The following FAM149A variants were observed in gnomAD, a reference collection of about 807,000 sequenced individuals.
FAM149A encodes protein FAM149A.
Under a neutral mutation model 78.2 loss-of-function variants are expected in FAM149A, and 71 were observed. That is an observed-to-expected ratio of 0.91 (90% confidence interval 0.75 to 1.11). The LOEUF (loss-of-function observed/expected upper bound fraction) is 1.11. Among genes scored for constraint, FAM149A ranks in the 50% least tolerant of loss-of-function variants. The pLI is 0.00. For synonymous variants in FAM149A, 446 were observed against 410.5 expected, an observed-to-expected ratio of 1.09 and a Z score of -1.04; for missense variants, 1,036 against 971.0, an observed-to-expected ratio of 1.07 and a Z score of -0.89.
In FAM149A at chr4:186,149,239, G is replaced by C. The variant is rs1035045578; in HGVS notation, c.633G>C (p.Thr211=). The C allele has an allele frequency of 7.8e-7, 1 of 1,289,158 alleles. No individual in the cohort carries two copies. Among genetic ancestry groups the C allele is most frequent in the Non-Finnish European group, 1.0e-6 (1 of 988,528 alleles). The allele number at this position is 1,289,158 out of a possible 1,614,324, so 79.9% of individuals were successfully genotyped here. A position where few individuals can be genotyped will look rare whatever the true frequency, so the allele number is the denominator to read the frequency against. The change falls in exon 2 of 14, where the codon ACG becomes ACC. Residue 211 remains threonine (T), a synonymous_variant. Transcript: ENST00000389354. ...TGAGGAGCAAAGATTCTTTACCTAC[G>C]CATTTTACAAGAAATGTGCAGAAAG...
At chr4:186,119,438 A>G (rs1256732828) in intron 1 of FAM149A, among the ~76,000 whole-genome samples, 13 of 152,250 alleles carry the variant, frequency 8.5e-5, no homozygotes, top group Non-Finnish European at 1.8e-4. Flanking sequence ...ATTAAATATC[A>G]TTCAGAAGCA....
At chr4:186,166,544 G>A (rs557442829) in intron 11 of FAM149A, among the ~76,000 whole-genome samples, 6 of 151,632 alleles carry the variant, frequency 4.0e-5, no homozygotes, top group African/African-American at 1.5e-4. Flanking sequence ...CTCACTACTC[G>A]GGAGACTGAG....
intron 1 of FAM149A, among the ~76,000 whole-genome samples, chr4:186,136,964 T>TCTCTCTCTCTCTCTCTCTC (rs2099323207): frequency 3.1e-5 from 3 of 97,108 alleles, no homozygotes; most frequent in African/African-American, 4.4e-5. Flanking sequence ...CTCTCTCTCT[T>TCTCTCTCTCTCTCTCTCTC]TCTCTCTCTC....
intron 1 of FAM149A, chr4:186,109,069 G>C (rs575491851): frequency 3.5e-4 from 108 of 310,674 alleles, no homozygotes; most frequent in African/African-American, 4.1e-4. Flanking sequence ...GGATGGTCTC[G>C]ATCTCCTGAC....
chr4:186,153,357 C>G, intron 4 of FAM149A: 2 of 955,868 alleles, frequency 2.1e-6, no homozygotes, highest in Non-Finnish European at 2.5e-6. Context: ...TATATGATCT[C>G]TAAGCCATTC....
At chr4:186,158,459 C>A in intron 8 of FAM149A, 2 of 1,133,788 alleles carry the variant, frequency 1.8e-6, no homozygotes, top group South Asian at 2.1e-5. Context: ...CAGGAACACC[C>A]ATGGGAGTCC....
chr4:186,162,865 T>C lies in FAM149A; in HGVS notation c.1596T>C (p.Ser532=). The change falls in exon 9 of 14, where the codon AGT becomes AGC. Residue 532 remains serine, a synonymous_variant. Transcript: ENST00000389354. ...CTCAGATTCATCACTTCTCCAGCAGTTTTTATAGTGACATGAATGGTGTCA... is the reference window on the plus strand; with the variant it reads ...CTCAGATTCATCACTTCTCCAGCAGCTTTTATAGTGACATGAATGGTGTCA... 2 of 1,567,086 alleles carry C rather than the reference T, an allele frequency of 1.3e-6. No homozygotes were observed. Among genetic ancestry groups the C allele is most frequent in the African/African-American group, 1.4e-5 (1 of 72,634 alleles).
At chr4:186,138,732 A>C (rs2099324561) in intron 1 of FAM149A, among the ~76,000 whole-genome samples, 1 of 152,170 alleles carries the variant, frequency 6.6e-6, no homozygotes, top group South Asian at 2.1e-4. Context: ...TTGGGGGGGA[A>C]GGCCACAGAA....
rs767437561 is a variant in FAM149A at position 186,165,415 on chromosome 4, C to A, written c.1961C>A (p.Thr654Lys). 1 of 1,614,136 alleles carries A rather than the reference C, an allele frequency of 6.2e-7. No individual in the cohort carries two copies. The highest frequency in any genetic ancestry group is 1.7e-5 in the Admixed American group (1 of 60,030). Residue 654 changes from threonine to lysine, a missense_variant, in exon 11 of 14, where the codon ACG (threonine) becomes AAG (lysine). By Grantham distance (78) the Thr-to-Lys change is moderately conservative. Coordinates refer to ENST00000389354, the MANE Select transcript of FAM149A (RefSeq NM_001367768.3). ...CGGAGCAGGTTCCCCCCGCTAGTCA[C>A]GGAGACCAGGGGGCAGAATACAGCA... is the stretch of plus-strand genomic sequence containing the variant.
At chr4:186,163,760 G>T in intron 10 of FAM149A, 127 bp downstream of exon 10, 2 of 706,348 alleles carry the variant, frequency 2.8e-6, no homozygotes, top group Non-Finnish European at 4.9e-6. Flanking sequence ...TTTCTAATGA[G>T]TTCATTGAGC....
intron 1 of FAM149A, among the ~76,000 whole-genome samples, chr4:186,128,472 A>G (rs1187174012): frequency 6.6e-6 from 1 of 150,990 alleles, no homozygotes; most frequent in African/African-American, 2.5e-5. Context: ...GCTAAATATT[A>G]TAAAAAAAAA....
chr4:186,113,972 C>G (rs1340946986), intron 1 of FAM149A, among the ~76,000 whole-genome samples: 10 of 150,790 alleles, frequency 6.6e-5, no homozygotes, highest in African/African-American at 2.4e-4. Flanking sequence ...TCTCGTTGAT[C>G]TGTCTAATGT....
At chr4:186,147,534 G>C (rs1241731452) in intron 1 of FAM149A, among the ~76,000 whole-genome samples, 1 of 152,218 alleles carries the variant, frequency 6.6e-6, no homozygotes, top group Admixed American at 6.5e-5. Flanking sequence ...CTCAGTGGCA[G>C]AGCAAATTTG....
rs1411958603 is a variant in FAM149A at position 186,167,068 on chromosome 4, C to T, written c.2111C>T (p.Ser704Leu). The T allele has an allele frequency of 1.2e-6, 2 of 1,614,140 alleles. No individual in the cohort carries two copies. The highest frequency in any genetic ancestry group is 1.7e-5 in the Admixed American group (1 of 60,022). The change falls in exon 12 of 14, where the codon TCA becomes TTA. Residue 704 changes from serine to leucine, a missense_variant. Transcript: ENST00000389354. ...AGAACAGCCACCCTGGAACGGTTGT[C>T]AAGGCCCAGCACAACCCACACGTTC...
intron 1 of FAM149A, chr4:186,131,896 G>A (rs1267773256): frequency 1.0e-6 from 1 of 985,286 alleles, no homozygotes; most frequent in African/African-American, 1.7e-5. Flanking sequence ...TTACTGGAAG[G>A]TTTTAAATGA....
intron 1 of FAM149A, among the ~76,000 whole-genome samples, chr4:186,148,199 C>T (rs549292220): frequency 5.3e-5 from 8 of 151,992 alleles, no homozygotes; most frequent in Non-Finnish European, 1.0e-4. Flanking sequence ...TGGTGGCAGG[C>T]GCCTGTAATC....
intron 1 of FAM149A, among the ~76,000 whole-genome samples, chr4:186,142,726 G>A (rs999302150): frequency 5.9e-5 from 9 of 152,122 alleles, no homozygotes; most frequent in Admixed American, 2.0e-4. Flanking sequence ...AGCCACCCCC[G>A]ACTGCATGGT....
chr4:186,141,036 T>A (rs2126411549), intron 1 of FAM149A, among the ~76,000 whole-genome samples: 1 of 152,344 alleles, frequency 6.6e-6, no homozygotes, highest in South Asian at 2.1e-4. Flanking sequence ...GAATAGCCAT[T>A]CTGACTGATG....
chr4:186,156,534 C>T lies in FAM149A; in HGVS notation c.1420+344C>T, dbSNP rs184506350. Among the ~76,000 whole-genome samples, 267 of 152,062 alleles carry T rather than the reference C, an allele frequency of 1.8e-3. 2 individuals are homozygous for T. Among genetic ancestry groups the T allele is most frequent in the African/African-American group, 4.3e-3 (177 of 41,468 alleles). ...ACTAAAAATACAAAAATTAGCCGGG[C>T]GTGGTGGTATGTGCCTGTAATCCCA... is the stretch of plus-strand genomic sequence containing the variant. On this transcript the variant is annotated intron_variant, in intron 7 of 13. Transcript: ENST00000389354.
Sources: gnomAD v4.1 joint callset for allele counts (sites outside exome capture counted in the v4.1 genomes callset) on GRCh38, gnomAD v4.1.1 for gene constraint, MANE v1.5 for transcripts, NCBI Gene and HGNC (gene_info 2026-07-23, HGNC 2026-07-21) for gene names.